The following VOPP1 variants were observed in gnomAD, a reference collection of about 807,000 sequenced individuals.
VOPP1 encodes WW domain binding protein VOPP1.
In VOPP1, 8 loss-of-function variants were observed where a neutral mutation model predicts 23.5. The ratio of observed to expected loss-of-function variants is 0.34; its 90% CI spans 0.20 to 0.61. The LOEUF is 0.61. Ranked by LOEUF, VOPP1 falls within the 20% of genes least tolerant of loss-of-function variation. VOPP1 has a pLI of 0.78. For synonymous variants in VOPP1, 83 were observed against 97.3 expected (o/e 0.85, Z 0.86); for missense variants, 174 against 238.1 (o/e 0.73, Z 1.77).
At chr7:55,497,753 G>A (rs879175033) in intron 2 of VOPP1, 63 bp from the exon 3 acceptor site, 49 of 1,433,790 alleles carry the variant, frequency 3.4e-5, no homozygotes, top group Middle Eastern at 1.8e-4. Context: ...CCAGCCATGC[G>A]GCCCAGGCTG....
At position 55,525,837 on chromosome 7, in the gene VOPP1, AAG is replaced by A. The variant is rs1491141328; in HGVS notation, c.55-4709_55-4708del. Among the ~76,000 whole-genome samples the A allele has an allele frequency of 5.0e-3, 751 of 149,350 alleles. 10 individuals carry two copies. The highest frequency in any genetic ancestry group is 0.018 in the African/African-American group (717 of 40,762). On this transcript the variant is annotated intron_variant, in intron 1 of 4. Coordinates refer to ENST00000285279, the MANE Select transcript of VOPP1 (RefSeq NM_030796.5). ...AAAAACCTTAAAATGTATGGAAACT[AAG>A]GGGGAAAAAAGTGAATTTCCAGGTT...
chr7:55,534,053 C>T (rs2129047822), intron 1 of VOPP1, among the ~76,000 whole-genome samples: 1 of 152,136 alleles, frequency 6.6e-6, no homozygotes, highest in African/African-American at 2.4e-5. Context: ...TGTCTCCCAG[C>T]CCTGTCAGCT....
intron 2 of VOPP1, among the ~76,000 whole-genome samples, chr7:55,512,705 G>T (rs1049861672): frequency 2.0e-5 from 3 of 152,188 alleles, no homozygotes; most frequent in African/African-American, 7.2e-5. Context: ...CTAGGGAAGC[G>T]CCCCCGCCCC....
intron 4 of VOPP1, among the ~76,000 whole-genome samples, chr7:55,444,323 G>A (rs1034432397): frequency 7.2e-5 from 11 of 152,112 alleles, no homozygotes; most frequent in African/African-American, 1.7e-4. Context: ...AAATAAAGTC[G>A]CATTCTAAGA....
chr7:55,475,134 T>C (rs1792136577), intron 4 of VOPP1, among the ~76,000 whole-genome samples: 1 of 151,910 alleles, frequency 6.6e-6, no homozygotes, highest in South Asian at 2.1e-4. Flanking sequence ...GAAGGTGCCT[T>C]TGTAAGGATG....
chr7:55,487,573 T>C (rs75449432), intron 4 of VOPP1, among the ~76,000 whole-genome samples: 1,568 of 152,268 alleles, frequency 0.01, 11 homozygotes, highest in Non-Finnish European at 0.017. Context: ...TCCTCTCACT[T>C]CAGCATTCTG....
At chr7:55,553,609 C>G (rs1421266918) in intron 1 of VOPP1, among the ~76,000 whole-genome samples, 2 of 151,946 alleles carry the variant, frequency 1.3e-5, no homozygotes, top group Non-Finnish European at 2.9e-5. Flanking sequence ...CCAGAAGCCC[C>G]CACTCCCTGA....
chr7:55,488,199 G>A (rs866019477), intron 4 of VOPP1, among the ~76,000 whole-genome samples: 5 of 152,208 alleles, frequency 3.3e-5, no homozygotes, highest in Non-Finnish European at 7.3e-5. Context: ...TACACAGAAT[G>A]AGGAGTGCTT....
rs868568820 is a variant in VOPP1 at position 55,460,091 on chromosome 7, C to T, written n.418-23917G>A. 5.6e-3 allele frequency among the ~76,000 whole-genome samples: 521 copies of T among 92,862 alleles called. 5 individuals are homozygous for T. The highest frequency in any genetic ancestry group is 0.021 in the African/African-American group (509 of 24,492). The allele number at this position is 92,862 out of a possible 152,430, so 60.9% of individuals were successfully genotyped here. On this transcript the variant is annotated intron_variant and non_coding_transcript_variant, in intron 4 of 4. Coordinates refer to the VOPP1 transcript ENST00000462326. ...TATTTTCATATTAAATATTTAAAAA[C>T]ATATTTTTAAAAATTTCCTCTCAAT...
chr7:55,551,374 GGCAAATACGTCCA>G (rs1474004658), intron 1 of VOPP1, among the ~76,000 whole-genome samples: 1 of 152,192 alleles, frequency 6.6e-6, no homozygotes, highest in Non-Finnish European at 1.5e-5. Context: ...CACCTGTGCT[GGCAAATACGTCCA>G]GCAGGGCTGA....
intron 2 of VOPP1, 97 bp downstream of exon 2, chr7:55,520,975 C>G (rs1003022440): frequency 2.2e-6 from 3 of 1,340,612 alleles, no homozygotes; most frequent in Admixed American, 4.2e-5. Flanking sequence ...TGGGCCACGC[C>G]GGGCTTTCCC....
intron 1 of VOPP1, among the ~76,000 whole-genome samples, chr7:55,530,615 G>A (rs1796444175): frequency 6.6e-6 from 1 of 152,192 alleles, no homozygotes; most frequent in Non-Finnish European, 1.5e-5. Context: ...ATGTCTACAA[G>A]CTGAAGTTTT....
intron 2 of VOPP1, among the ~76,000 whole-genome samples, chr7:55,498,569 A>G (rs186313959): frequency 7.9e-5 from 12 of 152,300 alleles, no homozygotes; most frequent in Non-Finnish European, 4.4e-5. Flanking sequence ...TTTTCACTAG[A>G]GCGTTTCGAG....
chr7:55,445,032 CCTT>C (rs1304217031), intron 4 of VOPP1, among the ~76,000 whole-genome samples: 1 of 152,160 alleles, frequency 6.6e-6, no homozygotes, highest in Non-Finnish European at 1.5e-5. Context: ...ACATCTTTGA[CCTT>C]CTGCCTGGAA....
chr7:55,437,221 AGAGGTGGCCTGGCTCCCGAG>A (rs1254247953), intron 4 of VOPP1, among the ~76,000 whole-genome samples: 1 of 152,126 alleles, frequency 6.6e-6, no homozygotes, highest in Non-Finnish European at 1.5e-5. Context: ...TTGGCAAGCC[AGAGGTGGCCTGGCTCCCGAG>A]GAGTCCCCAC....
intron 1 of VOPP1, among the ~76,000 whole-genome samples, chr7:55,571,315 A>C (rs1798345834): frequency 6.6e-6 from 1 of 152,244 alleles, no homozygotes; most frequent in Non-Finnish European, 1.5e-5. Context: ...GCGAAGACAA[A>C]CTAGTAATTT....
In VOPP1 at chr7:55,461,381, C is replaced by A. The variant is rs553443469; in HGVS notation, n.418-25207G>T. Among the ~76,000 whole-genome samples the A allele has an allele frequency of 2.1e-3, 321 of 151,952 alleles. 2 individuals are homozygous for A. The highest frequency in any genetic ancestry group is 3.4e-3 in the Non-Finnish European group (234 of 67,964). ...ACATCACCTGTTCACCAATAACCTACAGAAATTTAAAAAAAAATGGATTCA... is the reference window on the plus strand; with the variant it reads ...ACATCACCTGTTCACCAATAACCTAAAGAAATTTAAAAAAAAATGGATTCA... On this transcript the variant is annotated intron_variant and non_coding_transcript_variant, in intron 4 of 4. Coordinates refer to the VOPP1 transcript ENST00000462326.
At chr7:55,503,982 G>A (rs967449741) in intron 2 of VOPP1, among the ~76,000 whole-genome samples, 3 of 152,214 alleles carry the variant, frequency 2.0e-5, no homozygotes, top group Non-Finnish European at 4.4e-5. Context: ...GCATCTGGTG[G>A]AGCAGCTAAA....
rs564220594 is a variant in VOPP1 at position 55,525,242 on chromosome 7, G to A, written c.55-4112C>T. Reference sequence around the variant, plus strand: ...GCGGTGGCTCAAGCCTGTAATCCCAGCACTTTGGGAGGCCGAGGTGGGTGG... The same window carrying A: ...GCGGTGGCTCAAGCCTGTAATCCCAACACTTTGGGAGGCCGAGGTGGGTGG... On this transcript the variant is annotated intron_variant, in intron 1 of 4. Transcript: ENST00000285279. 3.9e-5 allele frequency among the ~76,000 whole-genome samples: 6 copies of A among 152,190 alleles called. No individual in the cohort carries two copies. In the South Asian group the frequency reaches 1.2e-3, roughly 32 times the overall value.
Sources: gnomAD v4.1 joint callset for allele counts (sites outside exome capture counted in the v4.1 genomes callset) on GRCh38, gnomAD v4.1.1 for gene constraint, MANE v1.5 for transcripts, NCBI Gene and HGNC (gene_info 2026-07-23, HGNC 2026-07-21) for gene names.